CNTN5: variants seen among roughly 807,000 people sequenced by gnomAD.
CNTN5 encodes contactin 5, also known as contactin-5.
In CNTN5, 77 loss-of-function variants were observed where a neutral mutation model predicts 129.1. The ratio of observed to expected loss-of-function variants is 0.60; its 90% CI spans 0.50 to 0.72. CNTN5 has a LOEUF of 0.72. Among genes scored for constraint, CNTN5 ranks in the 30% least tolerant of loss-of-function variants. The probability of loss-of-function intolerance (pLI) is 0.00; values close to 1 mark genes in which losing one functional copy is unlikely to be tolerated. For synonymous variants in CNTN5, 509 were observed against 465.6 expected, an observed-to-expected ratio of 1.09 and a Z score of -1.20; for missense variants, 1,478 against 1,328.8, an observed-to-expected ratio of 1.11 and a Z score of -1.75.
chr11:100,001,742 GT>G (rs1166542683), intron 8 of CNTN5, among the ~76,000 whole-genome samples: 5 of 152,118 alleles, frequency 3.3e-5, no homozygotes, highest in Non-Finnish European at 2.9e-5. Flanking sequence ...AATAGTCATA[GT>G]TTTTTTAGAA....
intron 1 of CNTN5, among the ~76,000 whole-genome samples, chr11:99,037,465 T>C (rs1457721688): frequency 6.6e-6 from 1 of 152,030 alleles, no homozygotes; most frequent in African/African-American, 2.4e-5. Context: ...TTAAATTGAG[T>C]CACAGTACTA....
At chr11:99,474,198 G>GT (rs1565212648) in intron 2 of CNTN5, among the ~76,000 whole-genome samples, 1 of 145,378 alleles carries the variant, frequency 6.9e-6, no homozygotes. Context: ...GTAATAAGAA[G>GT]TTCTAGGGAT....
chr11:100,328,800 C>A (rs948816796), intron 21 of CNTN5, among the ~76,000 whole-genome samples: 1 of 152,124 alleles, frequency 6.6e-6, no homozygotes, highest in Non-Finnish European at 1.5e-5. Flanking sequence ...CTGAAGATGG[C>A]AGATAGGTGG....
intron 1 of CNTN5, among the ~76,000 whole-genome samples, chr11:99,182,490 TA>T (rs1858128368): frequency 6.6e-6 from 1 of 152,018 alleles, no homozygotes; most frequent in African/African-American, 2.4e-5. Flanking sequence ...AAATTATGGA[TA>T]AAAATACAGC....
At chr11:99,289,247 T>C (rs766770189) in intron 1 of CNTN5, among the ~76,000 whole-genome samples, 4 of 151,874 alleles carry the variant, frequency 2.6e-5, no homozygotes, top group East Asian at 3.8e-4. Flanking sequence ...TCGTTACTTA[T>C]GGTTCATTAA....
chr11:100,123,660 C>T (rs143942890), intron 13 of CNTN5, among the ~76,000 whole-genome samples: 145 of 151,930 alleles, frequency 9.5e-4, no homozygotes, highest in African/African-American at 3.2e-3. Context: ...ACTCAAAATG[C>T]TTTGAGGAAC....
chr11:99,382,584 T>C (rs909217228), intron 2 of CNTN5, among the ~76,000 whole-genome samples: 1 of 152,160 alleles, frequency 6.6e-6, no homozygotes, highest in African/African-American at 2.4e-5. Flanking sequence ...GACTTATTTG[T>C]TCTTTTTCTC....
chr11:99,410,081 G>T (rs560985000), intron 2 of CNTN5, among the ~76,000 whole-genome samples: 1 of 152,222 alleles, frequency 6.6e-6, no homozygotes, highest in East Asian at 1.9e-4. Flanking sequence ...TGGAGGCTTA[G>T]TTTGCAAAAC....
intron 1 of CNTN5, among the ~76,000 whole-genome samples, chr11:99,042,049 C>G (rs1864004131): frequency 6.6e-6 from 1 of 152,112 alleles, no homozygotes; most frequent in Non-Finnish European, 1.5e-5. Flanking sequence ...ATGTTGCCAT[C>G]AAATTTGTGT....
intron 17 of CNTN5, 113 bp from the exon 18 acceptor site, chr11:100,270,979 G>A (rs1337198576): frequency 8.5e-6 from 7 of 826,272 alleles, no homozygotes; most frequent in Non-Finnish European, 1.3e-5. Flanking sequence ...CACGTGTCGT[G>A]AGGAAATATG....
intron 6 of CNTN5, among the ~76,000 whole-genome samples, chr11:99,846,114 G>A (rs991101653): frequency 1.5e-5 from 2 of 131,110 alleles, no homozygotes; most frequent in Non-Finnish European, 3.2e-5. Context: ...TATTGTATGT[G>A]GCTATACGGA....
At chr11:99,411,978 A>T (rs1942416193) in intron 2 of CNTN5, among the ~76,000 whole-genome samples, 1 of 152,200 alleles carries the variant, frequency 6.6e-6, no homozygotes, top group African/African-American at 2.4e-5. Flanking sequence ...GCCAGACAAG[A>T]TATATTACTT....
At chr11:100,131,335 T>G (rs1300476173) in intron 13 of CNTN5, among the ~76,000 whole-genome samples, 1 of 152,000 alleles carries the variant, frequency 6.6e-6, no homozygotes, top group Non-Finnish European at 1.5e-5. Context: ...AACCTTGATA[T>G]GGATTTGATA....
chr11:99,719,074 T>C (rs1007154131), intron 3 of CNTN5, among the ~76,000 whole-genome samples: 28 of 152,014 alleles, frequency 1.8e-4, no homozygotes, highest in Non-Finnish European at 4.4e-5. Flanking sequence ...ATTCCAGCAC[T>C]TTGGGAGGCC....
intron 3 of CNTN5, among the ~76,000 whole-genome samples, chr11:99,608,963 CT>C (rs1372117440): frequency 2.0e-5 from 3 of 152,138 alleles, no homozygotes; most frequent in Non-Finnish European, 4.4e-5. Context: ...AATTTCAACA[CT>C]TATTCTCCTT....
intron 3 of CNTN5, among the ~76,000 whole-genome samples, chr11:99,661,210 C>G (rs1168273940): frequency 2.0e-5 from 3 of 152,074 alleles, no homozygotes; most frequent in African/African-American, 7.2e-5. Context: ...TAAATTAGGT[C>G]TGATAACAAC....
chr11:99,358,805 T>G (rs2136103199), intron 2 of CNTN5, among the ~76,000 whole-genome samples: 1 of 152,298 alleles, frequency 6.6e-6, no homozygotes, highest in Admixed American at 6.5e-5. Context: ...CAACATTGAT[T>G]ATTTGTGTTA....
rs183881897 is a variant in CNTN5 at position 99,451,654 on chromosome 11, A to G, written c.-70-104491A>G. Among the ~76,000 whole-genome samples the G allele has an allele frequency of 2.0e-3, 311 of 152,324 alleles. 1 individual carries two copies. The highest frequency in any genetic ancestry group is 3.6e-3 in the Non-Finnish European group (242 of 68,022). On this transcript the variant is annotated intron_variant, in intron 2 of 24. Coordinates refer to ENST00000524871, the MANE Select transcript of CNTN5 (RefSeq NM_014361.4). ...GTGTCTGAAGGATTAGGCGGTAGAC[A>G]TAAGAAATAAAATTATCCTTACAGT... is the stretch of plus-strand genomic sequence containing the variant.
At chr11:99,863,413 A>G (rs1438831812) in intron 6 of CNTN5, among the ~76,000 whole-genome samples, 1 of 152,140 alleles carries the variant, frequency 6.6e-6, no homozygotes, top group Admixed American at 6.6e-5. Context: ...TAAAGGAGCA[A>G]CATTTGTCAA....
Sources: gnomAD v4.1 joint callset for allele counts (sites outside exome capture counted in the v4.1 genomes callset) on GRCh38, gnomAD v4.1.1 for gene constraint, MANE v1.5 for transcripts, NCBI Gene and HGNC (gene_info 2026-07-23, HGNC 2026-07-21) for gene names.